Variants in TMTC4 observed in about 807,000 individuals in gnomAD.
TMTC4 encodes transmembrane O-mannosyltransferase targeting cadherins 4, also known as protein O-mannosyl-transferase TMTC4.
Under a neutral mutation model 86.0 loss-of-function variants are expected in TMTC4, and 65 were observed. That is an observed-to-expected ratio of 0.76 (90% CI 0.62 to 0.93). The LOEUF is 0.93. Ranked by LOEUF, TMTC4 falls within the 40% of genes least tolerant of loss-of-function variation. TMTC4 has a pLI of 0.00. For synonymous variants in TMTC4, 379 were observed against 382.5 expected, an observed-to-expected ratio of 0.99 and a Z score of 0.11; for missense variants, 866 against 948.1, an observed-to-expected ratio of 0.91 and a Z score of 1.14.
At chr13:100,640,993 T>C (rs1882931298) in intron 7 of TMTC4, among the ~76,000 whole-genome samples, 1 of 152,088 alleles carries the variant, frequency 6.6e-6, no homozygotes, top group Non-Finnish European at 1.5e-5. Context: ...AATCCTAGCA[T>C]CTACTCAGAT....
intron 7 of TMTC4, among the ~76,000 whole-genome samples, chr13:100,641,279 A>G (rs147043442): frequency 1.3e-5 from 2 of 152,344 alleles, no homozygotes; most frequent in African/African-American, 4.8e-5. Flanking sequence ...TAGACTAGTT[A>G]TTAATCTTGT....
intron 6 of TMTC4, among the ~76,000 whole-genome samples, chr13:100,648,394 A>AT (rs755207273): frequency 2.0e-5 from 3 of 152,220 alleles, no homozygotes; most frequent in Non-Finnish European, 2.9e-5. Context: ...TAATTTTGAT[A>AT]TATCAAGGCA....
intron 15 of TMTC4, chr13:100,625,273 TAAC>T (rs1880285410): frequency 4.2e-6 from 2 of 480,046 alleles, no homozygotes; most frequent in Non-Finnish European, 7.5e-6. Context: ...GACGGGACTT[TAAC>T]ATGTTAATTT....
At chr13:100,655,075 G>A (rs192361887) in intron 6 of TMTC4, among the ~76,000 whole-genome samples, 1,618 of 141,582 alleles carry the variant, frequency 0.011, 12 homozygotes, top group Middle Eastern at 0.017. Context: ...AGGCTGGAGT[G>A]CAGTGGCGCA....
At chr13:100,641,462 G>C (rs960748164) in intron 7 of TMTC4, among the ~76,000 whole-genome samples, 1 of 151,818 alleles carries the variant, frequency 6.6e-6, no homozygotes, top group Non-Finnish European at 1.5e-5. Context: ...CAGAACTCCT[G>C]TTCCTTCATC....
rs78174874 is a variant in TMTC4 at position 100,646,736 on chromosome 13, A to G, written c.641-4425T>C. 4.3e-3 allele frequency among the ~76,000 whole-genome samples: 659 copies of G among 152,356 alleles called. 7 individuals carry two copies. Among genetic ancestry groups the G allele is most frequent in the African/African-American group, 0.015 (640 of 41,586 alleles). On this transcript the variant is annotated intron_variant, in intron 6 of 18. Transcript: ENST00000342624. The stretch of plus-strand genomic sequence containing the variant: ...ATGCTTAGATCCATCAAGCAAACTA[A>G]GGATCATTTTACTTGCAGAAATTAA...
chr13:100,625,951 A>C lies in TMTC4; in HGVS notation c.1587-59T>G. The C allele has an allele frequency of 2.5e-6, 4 of 1,595,366 alleles. No homozygotes were observed. The South Asian group carries it at 4.5e-5, about 18-fold the overall frequency. Reference sequence around the variant, plus strand: ...AATGCTCAATAGTAAGTTTTTACTAAACTCTCAGGAATCGGTAAAGATATT... The same window carrying C: ...AATGCTCAATAGTAAGTTTTTACTACACTCTCAGGAATCGGTAAAGATATT... On this transcript the variant is annotated intron_variant, in intron 13 of 18. Coordinates refer to ENST00000342624, the MANE Select transcript of TMTC4 (RefSeq NM_032813.5).
At chr13:100,647,670 G>T (rs1026022056) in intron 6 of TMTC4, among the ~76,000 whole-genome samples, 3 of 152,070 alleles carry the variant, frequency 2.0e-5, no homozygotes, top group Non-Finnish European at 4.4e-5. Context: ...AATATTCCTA[G>T]TTCCTTCATT....
chr13:100,613,845 C>T (rs1317452647), intron 16 of TMTC4, among the ~76,000 whole-genome samples: 1 of 139,464 alleles, frequency 7.2e-6, no homozygotes, highest in South Asian at 2.6e-4. Flanking sequence ...ACCCGCCCCC[C>T]CCTTTTTTTT....
At chr13:100,622,270 C>T (rs74118110) in intron 15 of TMTC4, among the ~76,000 whole-genome samples, 3 of 152,140 alleles carry the variant, frequency 2.0e-5, no homozygotes, top group Non-Finnish European at 4.4e-5. Flanking sequence ...TCTGTGCCCA[C>T]GAAGAAATAA....
rs578001010 is a variant in TMTC4, at chr13:100,611,327, T to C, written c.2064+1071A>G. ...CCAGCTGGGCGTGGTGGCTCATGCC[T>C]GTAATCTCAGCACTTTGGGAAGCCG... On this transcript the variant is annotated intron_variant, in intron 17 of 18. Transcript: ENST00000342624. Among the ~76,000 whole-genome samples, 214 of 152,342 alleles carry C rather than the reference T, an allele frequency of 1.4e-3. 1 individual carries two copies. The highest frequency in any genetic ancestry group is 4.8e-3 in the African/African-American group (201 of 41,584).
rs1466233067 is a variant in TMTC4 at position 100,635,083 on chromosome 13, C to A, written c.1315G>T (p.Gly439Trp). Residue 439 changes from glycine to tryptophan, a missense_variant, in exon 11 of 19, where the codon GGG becomes TGG. Coordinates refer to ENST00000342624, the MANE Select transcript of TMTC4 (RefSeq NM_032813.5). ...AERVLYLPSV[G>W]YCVLLTFGFG... The stretch of plus-strand genomic sequence containing the variant: ...CCAAAAGTCAGCAGCACACAGTACC[C>A]AACGCTGGGGAGGTAGAGGACACGC... 1 of 1,614,094 alleles carries A rather than the reference C, an allele frequency of 6.2e-7. No individual in the cohort carries two copies. The highest frequency in any genetic ancestry group is 8.5e-7 in the Non-Finnish European group (1 of 1,180,018).
chr13:100,637,471 G>A, intron 9 of TMTC4, 67 bp downstream of exon 9: 6 of 1,545,242 alleles, frequency 3.9e-6, no homozygotes, highest in Non-Finnish European at 5.3e-6. Context: ...CGAGGAGGAG[G>A]GGTGAGGGAT....
chr13:100,633,509 G>T (rs775033426), intron 12 of TMTC4, among the ~76,000 whole-genome samples: 4 of 152,104 alleles, frequency 2.6e-5, no homozygotes, highest in Non-Finnish European at 5.9e-5. Flanking sequence ...CTAGTCAAGT[G>T]AAGAGCTTGG....
intron 5 of TMTC4, among the ~76,000 whole-genome samples, chr13:100,660,036 G>T (rs1885573687): frequency 6.6e-6 from 1 of 151,344 alleles, no homozygotes; most frequent in African/African-American, 2.4e-5. Flanking sequence ...TTAATATAAA[G>T]AAATTCATGT....
Position 100,625,634 on chromosome 13 carries a change from CT to C in TMTC4, c.1736del (p.Gln579ArgfsTer4). 1 of 1,614,208 alleles carries C rather than the reference CT, an allele frequency of 6.2e-7. No individual in the cohort carries two copies. Among genetic ancestry groups the C allele is most frequent in the Non-Finnish European group, 8.5e-7 (1 of 1,180,036 alleles). ...CTGCTTCAAACCGTTTCAGGCTATT[CT>C]GCACTATGCCTAGATTCATCCACGC... The part of the protein sequence containing the change: ...AAAWMNLGIV[Q>X]NSLKRFEAAE... On this transcript the variant is annotated frameshift_variant, in exon 15 of 19. Coordinates refer to ENST00000342624, the MANE Select transcript of TMTC4 (RefSeq NM_032813.5). LOFTEE classifies it high-confidence loss of function.
chr13:100,606,457 T>C lies in TMTC4; in HGVS notation c.2065-30A>G, dbSNP rs377246038. On this transcript the variant is annotated intron_variant, in intron 17 of 18. Transcript: ENST00000342624. ...AAAATGAGAAACATAAAAAGGAAGA[T>C]ATTTATTGTACATGAAGCAAAAGCA... The C allele has an allele frequency of 1.0e-4, 158 of 1,582,086 alleles. 2 individuals carry two copies. The Middle Eastern group carries it at 4.3e-3, about 44-fold the overall frequency.
intron 5 of TMTC4, among the ~76,000 whole-genome samples, chr13:100,659,577 C>T (rs1428661590): frequency 6.6e-6 from 1 of 152,062 alleles, no homozygotes; most frequent in Non-Finnish European, 1.5e-5. Context: ...CTGGGGTCCT[C>T]CTGCTAATGG....
intron 6 of TMTC4, among the ~76,000 whole-genome samples, chr13:100,648,619 G>C (rs1884045614): frequency 6.6e-6 from 1 of 152,150 alleles, no homozygotes; most frequent in Non-Finnish European, 1.5e-5. Context: ...TAGGAAATGA[G>C]TTTGCCTATT....
Sources: gnomAD v4.1 joint callset for allele counts (sites outside exome capture counted in the v4.1 genomes callset) on GRCh38, gnomAD v4.1.1 for gene constraint, MANE v1.5 for transcripts, NCBI Gene and HGNC (gene_info 2026-07-23, HGNC 2026-07-21) for gene names.